Variants in CDK3 observed in about 807,000 individuals in gnomAD.
The protein encoded by CDK3 is cyclin-dependent kinase 3.
In CDK3, 24 loss-of-function variants were observed where a neutral mutation model predicts 30.2. The observed-to-expected ratio is 0.79, with a 90% CI of 0.57 to 1.12. CDK3 has a LOEUF of 1.12. Ranked by LOEUF, CDK3 falls within the 50% of genes most tolerant of loss-of-function variation. The pLI is 0.00. For synonymous variants in CDK3, 158 were observed against 154.2 expected (o/e 1.02, Z -0.18); for missense variants, 345 against 376.0 (o/e 0.92, Z 0.68).
At position 76,004,219 on chromosome 17, in the gene CDK3, G is replaced by GTTTTTTT. The variant is rs59029490; in HGVS notation, c.792+832_792+838dup. ...CAGGAAGTCTCTGGCAGAACCGTCTGTTTTTTTTTTTTTTTTTGAGACAGG... is the reference window on the plus strand; with the variant it reads ...CAGGAAGTCTCTGGCAGAACCGTCTGTTTTTTTTTTTTTTTTTTTTTTTTGAGACAGG... On this transcript the variant is annotated intron_variant, in intron 7 of 7. Transcript: ENST00000448471. 1.1e-3 allele frequency among the ~76,000 whole-genome samples: 97 copies of GTTTTTTT among 92,292 alleles called. 17 individuals carry two copies. Among genetic ancestry groups the GTTTTTTT allele is most frequent in the East Asian group, 2.4e-3 (7 of 2,858 alleles). 60.5% of individuals were successfully genotyped at this position (92,292 alleles called of 152,430 possible).
Position 76,002,999 on chromosome 17 carries a change from T to G in CDK3, c.589-196T>G, listed in dbSNP as rs76557826. 3.2e-6 allele frequency: 2 copies of G among 628,986 alleles called. No homozygotes were observed. Among genetic ancestry groups the G allele is most frequent in the African/African-American group, 1.8e-5 (1 of 54,826 alleles). The allele number at this position is 628,986 out of a possible 1,614,324, so 39.0% of individuals were successfully genotyped here. On this transcript the variant is annotated intron_variant, in intron 6 of 7. Transcript: ENST00000448471. This position sits in a 1 kb window ranked among gnomAD's most constrained non-coding sequence, Gnocchi z 4.3. ...GTGACAGAGCAAGACTCCGTCTCTATTTTTTAAAAAAAGGTGTTTGGTACT... is the reference window on the plus strand; with the variant it reads ...GTGACAGAGCAAGACTCCGTCTCTAGTTTTTAAAAAAAGGTGTTTGGTACT...
rs765915980 is a variant in CDK3 at position 76,002,298 on chromosome 17, G to T, written c.366G>T (p.Arg122=). Reference sequence around the variant, plus strand: ...GGGTGAGTTTCTGCCACTCACATCGGGTCATCCACCGAGACCTGAAGCCCC... The same window carrying T: ...GGGTGAGTTTCTGCCACTCACATCGTGTCATCCACCGAGACCTGAAGCCCC... ...LQGVSFCHSH[R]VIHRDLKPQN... is the part of the protein sequence containing the mutation. The change falls in exon 5 of 8, where the codon CGG becomes CGT. Residue 122 remains arginine, a synonymous_variant. Coordinates refer to ENST00000448471, the MANE Select transcript of CDK3 (RefSeq NM_001258.4). This position sits in a 1 kb window ranked among gnomAD's most constrained non-coding sequence, Gnocchi z 4.3. 1 of 1,610,050 alleles carries T rather than the reference G, an allele frequency of 6.2e-7. No individual in the cohort carries two copies. Among genetic ancestry groups the T allele is most frequent in the Non-Finnish European group, 8.5e-7 (1 of 1,179,304 alleles).
chr17:76,002,363 C>A lies in CDK3; in HGVS notation c.431C>A (p.Ala144Asp). 6.2e-7 allele frequency: 1 copy of A among 1,612,866 alleles called. No homozygotes were observed. ...AATGAGTTGGGTGCCATCAAGCTGG[C>A]TGACTTCGGCCTGGCTCGCGCCTTC... Reference protein sequence around the residue: ...LINELGAIKLADFGLARAFGV... With the variant: ...LINELGAIKLDDFGLARAFGV... Residue 144 changes from alanine (A) to aspartate (D), a missense_variant, in exon 5 of 8, where the codon GCT becomes GAT. Transcript: ENST00000448471. This position sits in a 1 kb window ranked among gnomAD's most constrained non-coding sequence, Gnocchi z 4.3.
chr17:76,003,448 T>A (rs2066280181), intron 7 of CDK3, 50 bp downstream of exon 7: 1 of 1,490,238 alleles, frequency 6.7e-7, no homozygotes, highest in Admixed American at 1.7e-5. Flanking sequence ...TTTCCCCTCA[T>A]CAGCCAGCCT....
Position 76,001,847 on chromosome 17 carries a change from C to T in CDK3, c.117-27C>T. ...TGCCCTTCTTGGCCCAAGTCTCTGC[C>T]CACGGCTGTGCCCTTGTTTCTTGCA... On this transcript the variant is annotated intron_variant, in intron 2 of 7. Coordinates refer to ENST00000448471, the MANE Select transcript of CDK3 (RefSeq NM_001258.4). This position sits in a 1 kb window ranked among gnomAD's most constrained non-coding sequence, Gnocchi z 6.2. 6.2e-7 allele frequency: 1 copy of T among 1,606,498 alleles called. No homozygotes were observed. Among genetic ancestry groups the T allele is most frequent in the South Asian group, 1.1e-5 (1 of 90,628 alleles).
Position 76,002,407 on chromosome 17 carries a change from T to A in CDK3, c.475T>A (p.Tyr159Asn), listed in dbSNP as rs1301553464. 3 of 1,612,414 alleles carry A rather than the reference T, an allele frequency of 1.9e-6. No homozygotes were observed. In the Admixed American group the frequency reaches 5.0e-5, roughly 27 times the overall value. ...CGCCTTCGGGGTGCCCCTGCGCACC[T>A]ACACCCATGAGGTATTGTGAGACAA... is the stretch of plus-strand genomic sequence containing the variant. Reference protein sequence around the residue: ...ARAFGVPLRTYTHEVVTLWYR... With the variant: ...ARAFGVPLRTNTHEVVTLWYR... The change falls in exon 5 of 8, where the codon TAC becomes AAC. Residue 159 changes from tyrosine to asparagine, a missense_variant. Tyr to Asn is a moderately radical substitution (Grantham distance 143). Coordinates refer to ENST00000448471, the MANE Select transcript of CDK3 (RefSeq NM_001258.4). This position sits in a 1 kb window ranked among gnomAD's most constrained non-coding sequence, Gnocchi z 4.3.
In CDK3 at chr17:76,003,245, T is replaced by A; in HGVS notation, c.639T>A (p.Phe213Leu). The A allele has an allele frequency of 1.2e-6, 2 of 1,614,186 alleles. No individual in the cohort carries two copies. The highest frequency in any genetic ancestry group is 1.7e-6 in the Non-Finnish European group (2 of 1,180,036). The change falls in exon 7 of 8, where the codon TTT (phenylalanine) becomes TTA (leucine). Residue 213 changes from phenylalanine to leucine, a missense_variant. Coordinates refer to ENST00000448471, the MANE Select transcript of CDK3 (RefSeq NM_001258.4). ...GTGACTCTGAGATTGACCAGCTCTT[T>A]CGTATCTTTCGTATGCTGGGGACAC... is the stretch of plus-strand genomic sequence containing the variant. ...FPGDSEIDQL[F>L]RIFRMLGTPS...
rs746307381 is a variant in CDK3 at position 76,001,329 on chromosome 17, G to T, written c.-14-83G>T. On this transcript the variant is annotated intron_variant, in intron 1 of 7. Coordinates refer to ENST00000448471, the MANE Select transcript of CDK3 (RefSeq NM_001258.4). This position sits in a 1 kb window ranked among gnomAD's most constrained non-coding sequence, Gnocchi z 6.2. Reference sequence around the variant, plus strand: ...GGGCAGTCTGGGCTGGGCTGGGCTGGGCAGGGCGCCACATGGAAGCTGGAG... The same window carrying T: ...GGGCAGTCTGGGCTGGGCTGGGCTGTGCAGGGCGCCACATGGAAGCTGGAG... 6.3e-7 allele frequency: 1 copy of T among 1,580,396 alleles called. No individual in the cohort carries two copies. The highest frequency in any genetic ancestry group is 1.8e-5 in the Admixed American group (1 of 54,546).
In CDK3 at chr17:76,002,769, TG is replaced by T; in HGVS notation, c.588+160del. 1.7e-6 allele frequency: 1 copy of T among 601,612 alleles called. No individual in the cohort carries two copies. The highest frequency in any genetic ancestry group is 1.8e-5 in the African/African-American group (1 of 54,142). 37.3% of individuals were successfully genotyped at this position (601,612 alleles called of 1,614,324 possible). A position where few individuals can be genotyped will look rare whatever the true frequency, so the allele number is the denominator to read the frequency against. ...ATCCCAGCACTTTGGGAGGCTGAGA[TG>T]GGAGGATGGCTTGAGCCCAGGAGTT... On this transcript the variant is annotated intron_variant, in intron 6 of 7. Transcript: ENST00000448471. The surrounding 1 kb of genome is among the most constrained non-coding windows in gnomAD (Gnocchi z 4.3).
chr17:76,003,220 G>T lies in CDK3; in HGVS notation c.614G>T (p.Gly205Val). The T allele has an allele frequency of 6.2e-7, 1 of 1,614,184 alleles. No homozygotes were observed. Among genetic ancestry groups the T allele is most frequent in the Non-Finnish European group, 8.5e-7 (1 of 1,180,040 alleles). ...EMVTRKALFP[G>V]DSEIDQLFRI... is the part of the protein sequence containing the mutation. ...GTGACTCGAAAAGCCCTGTTTCCTG[G>T]TGACTCTGAGATTGACCAGCTCTTT... The change falls in exon 7 of 8, where the codon GGT becomes GTT. Residue 205 changes from glycine (G) to valine (V), a missense_variant. By Grantham distance (109) the Gly-to-Val change is moderately radical. Coordinates refer to ENST00000448471, the MANE Select transcript of CDK3 (RefSeq NM_001258.4).
chr17:76,001,790 G>A lies in CDK3; in HGVS notation c.117-84G>A. ...GCCGGGGCCCTGGTCATTCTGTGGG[G>A]TTAAGGAGAAGCCGATCCCCCTGGC... On this transcript the variant is annotated intron_variant, in intron 2 of 7. Coordinates refer to ENST00000448471, the MANE Select transcript of CDK3 (RefSeq NM_001258.4). This position sits in a 1 kb window ranked among gnomAD's most constrained non-coding sequence, Gnocchi z 6.2. 1 of 1,326,078 alleles carries A rather than the reference G, an allele frequency of 7.5e-7. No individual in the cohort carries two copies. Among genetic ancestry groups the A allele is most frequent in the Non-Finnish European group, 1.0e-6 (1 of 958,566 alleles). 82.1% of individuals were successfully genotyped at this position (1,326,078 alleles called of 1,614,324 possible). A position where few individuals can be genotyped will look rare whatever the true frequency, so the allele number is the denominator to read the frequency against.
In CDK3 at chr17:76,002,453, G is replaced by T; in HGVS notation, c.486+35G>T. On this transcript the variant is annotated intron_variant, in intron 5 of 7. Transcript: ENST00000448471. This position sits in a 1 kb window ranked among gnomAD's most constrained non-coding sequence, Gnocchi z 4.3. ...GACAAAGAGGAGAGAGGGGCAGCAG[G>T]AGGAGTGTCACCCATGCACTCAGCC... The T allele has an allele frequency of 1.1e-5, 17 of 1,610,800 alleles. No individual in the cohort carries two copies. Among genetic ancestry groups the T allele is most frequent in the Non-Finnish European group, 1.4e-5 (17 of 1,178,140 alleles).
At position 76,002,259 on chromosome 17, in the gene CDK3, C is replaced by A; in HGVS notation, c.327C>A (p.Phe109Leu). The A allele has an allele frequency of 6.2e-7, 1 of 1,612,018 alleles. No individual in the cohort carries two copies. Among genetic ancestry groups the A allele is most frequent in the Non-Finnish European group, 8.5e-7 (1 of 1,179,950 alleles). Reference protein sequence around the residue: ...LPLHLIKSYLFQLLQGVSFCH... With the variant: ...LPLHLIKSYLLQLLQGVSFCH... Reference sequence around the variant, plus strand: ...GCTCGTTTCTCCAGAGCTACCTCTTCCAGCTGCTGCAGGGGGTGAGTTTCT... The same window carrying A: ...GCTCGTTTCTCCAGAGCTACCTCTTACAGCTGCTGCAGGGGGTGAGTTTCT... The change falls in exon 5 of 8, where the codon TTC becomes TTA. Residue 109 changes from phenylalanine to leucine, a missense_variant. Physicochemically the swap from Phe to Leu is conservative, Grantham distance 22. Coordinates refer to ENST00000448471, the MANE Select transcript of CDK3 (RefSeq NM_001258.4). The surrounding 1 kb of genome is among the most constrained non-coding windows in gnomAD (Gnocchi z 4.3).
Position 76,005,485 on chromosome 17 carries a change from C to T in CDK3, c.*62C>T, listed in dbSNP as rs1465422862. The stretch of plus-strand genomic sequence containing the variant: ...GCTGCTGCCCCAGCTGCCTCCTACC[C>T]ATTGCCAAGAGAGGATGCATCTGGG... On this transcript the variant is annotated 3_prime_UTR_variant, in exon 8 of 8. Coordinates refer to ENST00000448471, the MANE Select transcript of CDK3 (RefSeq NM_001258.4). The surrounding 1 kb of genome is among the most constrained non-coding windows in gnomAD (Gnocchi z 4.7). 4.5e-6 allele frequency: 7 copies of T among 1,567,578 alleles called. No homozygotes were observed. The highest frequency in any genetic ancestry group is 4.5e-5 in the East Asian group (2 of 44,336).
In CDK3 at chr17:76,003,284, A is replaced by G. The variant is rs748602091; in HGVS notation, c.678A>G (p.Thr226=). The G allele has an allele frequency of 6.2e-7, 1 of 1,614,100 alleles. No individual in the cohort carries two copies. The highest frequency in any genetic ancestry group is 8.5e-7 in the Non-Finnish European group (1 of 1,179,956). ...FRMLGTPSED[T]WPGVTQLPDY... is the part of the protein sequence containing the mutation. The stretch of plus-strand genomic sequence containing the variant: ...TGCTGGGGACACCCAGCGAAGACAC[A>G]TGGCCCGGGGTCACCCAGCTGCCTG... The change falls in exon 7 of 8, where the codon ACA becomes ACG. Residue 226 remains threonine (T), a synonymous_variant. Coordinates refer to ENST00000448471, the MANE Select transcript of CDK3 (RefSeq NM_001258.4).
Position 76,001,613 on chromosome 17 carries a change from C to A in CDK3, c.116+72C>A. 7.5e-7 allele frequency: 1 copy of A among 1,326,900 alleles called. No individual in the cohort carries two copies. The allele number at this position is 1,326,900 out of a possible 1,614,324, so 82.2% of individuals were successfully genotyped here. A position where few individuals can be genotyped will look rare whatever the true frequency, so the allele number is the denominator to read the frequency against. ...ACCTGGGCGCTCCCTGATCCGTTCC[C>A]TCTTTCCTGGAGTCCACGTTTAACT... is the stretch of plus-strand genomic sequence containing the variant. On this transcript the variant is annotated intron_variant, in intron 2 of 7. Transcript: ENST00000448471. The surrounding 1 kb of genome is among the most constrained non-coding windows in gnomAD (Gnocchi z 6.2).
In CDK3 at chr17:76,001,545, A is replaced by G; in HGVS notation, c.116+4A>G. On this transcript the variant is annotated splice_donor_region_variant and intron_variant, in intron 2 of 7. Transcript: ENST00000448471. The surrounding 1 kb of genome is among the most constrained non-coding windows in gnomAD (Gnocchi z 6.2). ...TGAAGAAGATCAGACTGGATTTGTG[A>G]GTGCTGGGACGGCCCCTGAGTTACC... is the stretch of plus-strand genomic sequence containing the variant. 6.2e-7 allele frequency: 1 copy of G among 1,612,832 alleles called. No homozygotes were observed. Among genetic ancestry groups the G allele is most frequent in the African/African-American group, 1.3e-5 (1 of 75,000 alleles).
intron 7 of CDK3, among the ~76,000 whole-genome samples, chr17:76,003,693 T>C (rs910000448): frequency 6.6e-6 from 1 of 152,244 alleles, no homozygotes; most frequent in Non-Finnish European, 1.5e-5. Flanking sequence ...TTGTGGACAT[T>C]ACTGCTCCAT....
rs775030671 is a variant in CDK3, at chr17:76,005,370, CCT to C, written c.866_867del (p.Pro289ArgfsTer71). ...CCTGGCCCACCCGTACTTCTCATCC[CCT>C]GAGCCCTCCCCAGCTGCCCGCCAGT... is the stretch of plus-strand genomic sequence containing the variant. Reference protein sequence around the residue: ...TALAHPYFSSPEPSPAARQYV... With the variant: ...TALAHPYFSSXEPSPAARQYV... On this transcript the variant is annotated frameshift_variant, in exon 8 of 8. Coordinates refer to ENST00000448471, the MANE Select transcript of CDK3 (RefSeq NM_001258.4). LOFTEE classifies it low-confidence loss of function (END_TRUNC). The surrounding 1 kb of genome is among the most constrained non-coding windows in gnomAD (Gnocchi z 4.7). 17 of 1,614,070 alleles carry C rather than the reference CCT, an allele frequency of 1.1e-5. No homozygotes were observed. Among genetic ancestry groups the C allele is most frequent in the Middle Eastern group, 1.6e-4 (1 of 6,084 alleles).
Sources: allele counts gnomAD v4.1 joint callset (sites outside exome capture counted in the v4.1 genomes callset), GRCh38; gene constraint gnomAD v4.1.1; non-coding constraint Gnocchi (gnomAD v3.1); transcripts MANE v1.5; gene names NCBI Gene and HGNC (gene_info 2026-07-23, HGNC 2026-07-21).